PKD1L3: variants seen among roughly 807,000 people sequenced by gnomAD.
PKD1L3 encodes polycystin-1-like protein 3.
In PKD1L3, 239 loss-of-function variants were observed where a neutral mutation model predicts 184.1. The observed-to-expected ratio is 1.30, with a 90% CI of 1.17 to 1.45. PKD1L3 has a LOEUF of 1.45. Among genes scored for constraint, PKD1L3 ranks in the 40% most tolerant of loss-of-function variants. The pLI is 0.00. For synonymous variants in PKD1L3, 996 were observed against 778.8 expected (o/e 1.28, Z -4.64); for missense variants, 2,660 against 2,067.2 (o/e 1.29, Z -5.56).
intron 6 of PKD1L3, among the ~76,000 whole-genome samples, chr16:71,983,663 C>CTTTT (rs1180950058): frequency 1.0e-3 from 101 of 100,318 alleles, no homozygotes; most frequent in Admixed American, 1.6e-3. Context: ...GATTCTCTTT[C>CTTTT]TTTTTTTTTT....
chr16:71,991,610 G>C (rs550028038), intron 3 of PKD1L3, among the ~76,000 whole-genome samples: 23 of 152,174 alleles, frequency 1.5e-4, no homozygotes, highest in African/African-American at 4.8e-4. Flanking sequence ...TTCATTTAAA[G>C]AGTACAGGAA....
intron 2 of PKD1L3, among the ~76,000 whole-genome samples, chr16:71,995,202 C>T (rs553879091): frequency 1.3e-5 from 2 of 152,120 alleles, no homozygotes; most frequent in Non-Finnish European, 2.9e-5. Context: ...GAAGCCCTCC[C>T]TCTGCCAAGT....
At chr16:71,931,052 T>C (rs2037938841) in intron 28 of PKD1L3, 1 of 151,798 alleles carries the variant, frequency 6.6e-6, no homozygotes, top group Admixed American at 6.6e-5. Flanking sequence ...AATAAGTTTA[T>C]TTTTATGTAC....
chr16:71,941,796 G>A (rs1348198220), intron 24 of PKD1L3, among the ~76,000 whole-genome samples: 1 of 151,256 alleles, frequency 6.6e-6, no homozygotes, highest in African/African-American at 2.4e-5. Context: ...TATTGGCCAG[G>A]CTGGTCTCGA....
intron 6 of PKD1L3, among the ~76,000 whole-genome samples, chr16:71,983,687 G>GTTTTTTC (rs1360422609): frequency 1.6e-4 from 18 of 109,392 alleles, no homozygotes; most frequent in South Asian, 3.8e-4. Flanking sequence ...TTTTTTTTTG[G>GTTTTTTC]AGACACAGTC....
intron 4 of PKD1L3, among the ~76,000 whole-genome samples, 196 bp downstream of exon 4, chr16:71,990,084 C>CG (rs1667221736): frequency 2.2e-5 from 2 of 91,068 alleles, no homozygotes; most frequent in Non-Finnish European, 4.3e-5. Context: ...GTCTCTCCCA[C>CG]CAAAAAAAAA....
chr16:71,933,665 TTTGTA>T (rs1331219343), intron 27 of PKD1L3, 144 bp from the exon 28 acceptor site: 2 of 739,324 alleles, frequency 2.7e-6, no homozygotes, highest in East Asian at 5.4e-5. Context: ...ATAAACTTCC[TTTGTA>T]ATAACATAGT....
At position 71,933,486 on chromosome 16, in the gene PKD1L3, G is replaced by T. The variant is rs927376870; in HGVS notation, c.4860C>A (p.Tyr1620Ter). ...TCACTGCTGAGCTGAAAAATGTCCG[G>T]TAGTCAGAGATGCTGCATCCAAACA... ...NLLFGCSISD[Y>*]RTFFSSAVTV... Residue 1620 changes from tyrosine (Y) to a stop codon, truncating the protein, a stop_gained, in exon 28 of 30, where the codon TAC (tyrosine) becomes TAA (stop). Transcript: ENST00000620267. LOFTEE classifies it high-confidence loss of function. 2 of 1,551,714 alleles carry T rather than the reference G, an allele frequency of 1.3e-6. No homozygotes were observed. The highest frequency in any genetic ancestry group is 1.7e-6 in the Non-Finnish European group (2 of 1,146,890).
At position 71,978,245 on chromosome 16, in the gene PKD1L3, C is replaced by G; in HGVS notation, c.1527+10G>C. On this transcript the variant is annotated intron_variant, in intron 10 of 29. Transcript: ENST00000620267. ...CTCTTCTATTTTATTCCCTAAGAAT[C>G]AGTTCCTACCTCAATGTCCTCCATT... 1 of 1,546,600 alleles carries G rather than the reference C, an allele frequency of 6.5e-7. No individual in the cohort carries two copies. The highest frequency in any genetic ancestry group is 8.7e-7 in the Non-Finnish European group (1 of 1,143,488).
Position 71,970,072 on chromosome 16 carries a change from A to T in PKD1L3, c.1987T>A (p.Cys663Ser). The T allele has an allele frequency of 6.4e-7, 1 of 1,551,690 alleles. No homozygotes were observed. Among genetic ancestry groups the T allele is most frequent in the Non-Finnish European group, 8.7e-7 (1 of 1,146,996 alleles). The change falls in exon 13 of 30, where the codon TGT becomes AGT. Residue 663 changes from cysteine to serine, a missense_variant. Transcript: ENST00000620267. ...GPQSTILRTQ[C>S]LCNHLTFFAS... ...AAGAAGGTCAGGTGGTTACAGAGAC[A>T]CTGTGTCCTCAGAATTGTGCTCTGT...
In PKD1L3 at chr16:71,983,897, A is replaced by G. The variant is rs1252237532; in HGVS notation, c.966+139T>C. The G allele has an allele frequency of 5.8e-6, 7 of 1,207,506 alleles. No homozygotes were observed. The African/African-American group carries it at 9.3e-5, about 16-fold the overall frequency. The allele number at this position is 1,207,506 out of a possible 1,614,324, so 74.8% of individuals were successfully genotyped here. Reference sequence around the variant, plus strand: ...AGTCAGGTCTTGAACTCCTGGCCTCATGTGATCCGCCCGCCTCGGCCTTCT... The same window carrying G: ...AGTCAGGTCTTGAACTCCTGGCCTCGTGTGATCCGCCCGCCTCGGCCTTCT... On this transcript the variant is annotated intron_variant, in intron 6 of 29. Coordinates refer to ENST00000620267, the MANE Select transcript of PKD1L3 (RefSeq NM_181536.2).
chr16:71,949,313 A>T (rs1269685051), intron 21 of PKD1L3, among the ~76,000 whole-genome samples: 1 of 143,846 alleles, frequency 7.0e-6, no homozygotes, highest in Non-Finnish European at 1.5e-5. Context: ...AATTACACTT[A>T]TCCCTAACAA....
At chr16:71,943,402 G>T (rs1184237601) in intron 23 of PKD1L3, among the ~76,000 whole-genome samples, 1 of 151,846 alleles carries the variant, frequency 6.6e-6, no homozygotes, top group Non-Finnish European at 1.5e-5. Context: ...GCTGGGCGTG[G>T]TGGTCTGTGC....
chr16:71,965,165 C>T (rs1207913046), intron 15 of PKD1L3, among the ~76,000 whole-genome samples: 3 of 152,044 alleles, frequency 2.0e-5, no homozygotes, highest in African/African-American at 4.8e-5. Flanking sequence ...TCTTTATGTA[C>T]AGCTTCTTTC....
chr16:71,952,174 C>T (rs9889100), intron 18 of PKD1L3, among the ~76,000 whole-genome samples: 49,051 of 144,502 alleles, frequency 0.34, 8,804 homozygotes, highest in East Asian at 0.65. Context: ...TCTTCCACTG[C>T]GTGGGGAAAG....
chr16:71,977,001 C>T (rs2039950768), intron 11 of PKD1L3, among the ~76,000 whole-genome samples: 1 of 152,216 alleles, frequency 6.6e-6, no homozygotes, highest in South Asian at 2.1e-4. Flanking sequence ...CCTCGGCCTC[C>T]CAAAGTGCTG....
At chr16:71,974,578 G>C (rs2039847720) in intron 11 of PKD1L3, among the ~76,000 whole-genome samples, 1 of 152,200 alleles carries the variant, frequency 6.6e-6, no homozygotes, top group Non-Finnish European at 1.5e-5. Context: ...CAGCTGCTTG[G>C]GAGGCTGAGG....
At chr16:71,938,307 A>C (rs1467176552) in intron 24 of PKD1L3, among the ~76,000 whole-genome samples, 1 of 152,200 alleles carries the variant, frequency 6.6e-6, no homozygotes, top group Non-Finnish European at 1.5e-5. Flanking sequence ...GCCTTCTCCG[A>C]ACTTTGGACA....
chr16:71,943,979 C>T, intron 23 of PKD1L3, 51 bp downstream of exon 23: 1 of 1,498,484 alleles, frequency 6.7e-7, no homozygotes, highest in Non-Finnish European at 9.0e-7. Context: ...CTTCCTTTCC[C>T]TTCTGGAAAA....
Sources: gnomAD v4.1 joint callset for allele counts (sites outside exome capture counted in the v4.1 genomes callset) on GRCh38, gnomAD v4.1.1 for gene constraint, MANE v1.5 for transcripts, NCBI Gene and HGNC (gene_info 2026-07-23, HGNC 2026-07-21) for gene names.